DTNB: variants seen among roughly 807,000 people sequenced by gnomAD.
The protein encoded by DTNB is dystrobrevin beta, also known as DTN-B.
DTNB carries 63 observed loss-of-function variants against 90.7 expected under a neutral mutation model. The ratio of observed to expected loss-of-function variants is 0.69; its 90% CI spans 0.57 to 0.86. The LOEUF (loss-of-function observed/expected upper bound fraction) is 0.86. Ranked by LOEUF, DTNB falls within the 40% of genes least tolerant of loss-of-function variation. DTNB has a pLI of 0.00. For missense variants in DTNB, 744 were observed against 807.1 expected, an observed-to-expected ratio of 0.92 and a Z score of 0.95; for synonymous variants, 277 against 286.7, an observed-to-expected ratio of 0.97 and a Z score of 0.34.
At chr2:25,544,668 T>C (rs1445224804) in intron 8 of DTNB, among the ~76,000 whole-genome samples, 1 of 152,202 alleles carries the variant, frequency 6.6e-6, no homozygotes, top group Non-Finnish European at 1.5e-5. Context: ...ACCACAATCT[T>C]AATCAACATC....
At chr2:25,481,935 CTATGTATTA>C (rs747522463) in intron 10 of DTNB, 1 of 152,196 alleles carries the variant, frequency 6.6e-6, no homozygotes, top group Non-Finnish European at 1.5e-5. Context: ...GTCTTAAGCA[CTATGTATTA>C]TATAGTCAAA....
intron 16 of DTNB, among the ~76,000 whole-genome samples, chr2:25,392,048 A>G (rs1489621476): frequency 1.3e-5 from 2 of 152,168 alleles, no homozygotes; most frequent in Non-Finnish European, 2.9e-5. Context: ...CCAGCAGAAG[A>G]GAAATAACGA....
rs1405955137 is a variant in DTNB at position 25,601,163 on chromosome 2, T to C, written c.449-4923A>G. Among the ~76,000 whole-genome samples, 3 of 152,250 alleles carry C rather than the reference T, an allele frequency of 2.0e-5. No homozygotes were observed. The East Asian group carries it at 5.8e-4, about 29-fold the overall frequency. On this transcript the variant is annotated intron_variant, in intron 5 of 20. Transcript: ENST00000406818. ...ATTTACCTATGTACATATAAAAGGA[T>C]CTTATCAAAGAAGTGAATAAAATAA... is the stretch of plus-strand genomic sequence containing the variant.
chr2:25,439,961 G>A lies in DTNB; in HGVS notation c.1258-5966C>T, dbSNP rs1039950297. 4.6e-5 allele frequency among the ~76,000 whole-genome samples: 7 copies of A among 152,164 alleles called. No individual in the cohort carries two copies. In the East Asian group the frequency reaches 1.3e-3, roughly 29 times the overall value. On this transcript the variant is annotated intron_variant, in intron 12 of 20. Transcript: ENST00000406818. Reference sequence around the variant, plus strand: ...ACACTGCAAAGCTTACTCATAAGGAGGACACATGGTTCTGGGGTTTAATAA... The same window carrying A: ...ACACTGCAAAGCTTACTCATAAGGAAGACACATGGTTCTGGGGTTTAATAA...
At chr2:25,526,395 A>ATATATATATATATATATATTTT in intron 9 of DTNB, among the ~76,000 whole-genome samples, 2 of 49,858 alleles carry the variant, frequency 4.0e-5, no homozygotes, top group African/African-American at 2.0e-4. Flanking sequence ...ATATATATAT[A>ATATATATATATATATATATTTT]TTTTTTTTTT....
At chr2:25,624,082 T>C (rs1025039512) in intron 4 of DTNB, among the ~76,000 whole-genome samples, 2 of 152,152 alleles carry the variant, frequency 1.3e-5, no homozygotes, top group African/African-American at 4.8e-5. Flanking sequence ...GCAGGCTTCA[T>C]CTGTGTGATA....
intron 10 of DTNB, among the ~76,000 whole-genome samples, chr2:25,469,032 G>A (rs1234802483): frequency 1.3e-5 from 2 of 152,162 alleles, no homozygotes; most frequent in Non-Finnish European, 2.9e-5. Flanking sequence ...TGGAACTACG[G>A]TGATAAACAA....
intron 8 of DTNB, among the ~76,000 whole-genome samples, chr2:25,550,315 C>T (rs570168293): frequency 2.6e-5 from 4 of 152,062 alleles, no homozygotes; most frequent in African/African-American, 7.2e-5. Context: ...GGCGTGAACC[C>T]GGGAGGCGGA....
intron 1 of DTNB, among the ~76,000 whole-genome samples, chr2:25,653,652 C>T (rs2081490895): frequency 6.6e-6 from 1 of 151,638 alleles, no homozygotes; most frequent in African/African-American, 2.4e-5. Context: ...GCTGGGATTA[C>T]AGGCACGCAC....
At chr2:25,658,477 T>G (rs904119694) in intron 1 of DTNB, among the ~76,000 whole-genome samples, 4 of 152,198 alleles carry the variant, frequency 2.6e-5, no homozygotes, top group Non-Finnish European at 4.4e-5. Context: ...CCCAAATGTT[T>G]ACAGCTTTAT....
chr2:25,416,918 A>T (rs886385804), intron 16 of DTNB, among the ~76,000 whole-genome samples: 2 of 152,112 alleles, frequency 1.3e-5, no homozygotes, highest in Non-Finnish European at 2.9e-5. Context: ...TCACTCAATA[A>T]TGGTGGGGAT....
chr2:25,555,578 AAAT>A (rs1210313420), intron 8 of DTNB, among the ~76,000 whole-genome samples: 1 of 152,200 alleles, frequency 6.6e-6, no homozygotes, highest in Non-Finnish European at 1.5e-5. Flanking sequence ...TAAATAAGAA[AAAT>A]AATAAACACA....
intron 12 of DTNB, among the ~76,000 whole-genome samples, chr2:25,439,610 A>C (rs2150031537): frequency 6.6e-6 from 1 of 152,348 alleles, no homozygotes; most frequent in Non-Finnish European, 1.5e-5. Context: ...AAAAATAAAC[A>C]TTGCTTTGGC....
At chr2:25,601,492 A>G (rs2065868109) in intron 5 of DTNB, among the ~76,000 whole-genome samples, 1 of 152,224 alleles carries the variant, frequency 6.6e-6, no homozygotes, top group South Asian at 2.1e-4. Flanking sequence ...CTAGTGAGCC[A>G]CCATCATCAC....
intron 9 of DTNB, among the ~76,000 whole-genome samples, chr2:25,501,411 G>A (rs1304582969): frequency 6.6e-6 from 1 of 151,706 alleles, no homozygotes; most frequent in South Asian, 2.1e-4. Context: ...ATGGAGACTC[G>A]CTCTGTCGCC....
intron 16 of DTNB, among the ~76,000 whole-genome samples, chr2:25,389,725 A>C (rs1268030364): frequency 3.3e-5 from 5 of 152,168 alleles, no homozygotes; most frequent in Non-Finnish European, 5.9e-5. Context: ...ATATACAAAC[A>C]GAATTGGCCC....
chr2:25,628,653 T>G (rs1168049437), intron 3 of DTNB, among the ~76,000 whole-genome samples: 2 of 152,046 alleles, frequency 1.3e-5, no homozygotes, highest in African/African-American at 4.8e-5. Flanking sequence ...CCCATGCAAT[T>G]CCTAACAATG....
At chr2:25,587,857 C>T (rs2062744614) in intron 6 of DTNB, among the ~76,000 whole-genome samples, 1 of 152,152 alleles carries the variant, frequency 6.6e-6, no homozygotes, top group African/African-American at 2.4e-5. Context: ...TGCATTTCAT[C>T]CCATCTAAGA....
rs1051305809 is a variant in DTNB at position 25,468,520 on chromosome 2, G to A, written c.1080-13026C>T. 6.6e-5 allele frequency among the ~76,000 whole-genome samples: 10 copies of A among 152,154 alleles called. No individual in the cohort carries two copies. In the East Asian group the frequency reaches 1.7e-3, roughly 26 times the overall value. On this transcript the variant is annotated intron_variant, in intron 10 of 20. Coordinates refer to ENST00000406818, the MANE Select transcript of DTNB (RefSeq NM_021907.5). The stretch of plus-strand genomic sequence containing the variant: ...CGACCGAGGGCCAAAGCGCAAGGAC[G>A]GGAGTCCAAAGAGAACCACAGCAAG...
Sources: gnomAD v4.1 joint callset for allele counts (sites outside exome capture counted in the v4.1 genomes callset) on GRCh38, gnomAD v4.1.1 for gene constraint, MANE v1.5 for transcripts, NCBI Gene and HGNC (gene_info 2026-07-23, HGNC 2026-07-21) for gene names.